The following RYR2 variants were observed in gnomAD, a reference collection of about 807,000 sequenced individuals.
The protein encoded by RYR2 is cardiac muscle ryanodine receptor-calcium release channel.
Under a neutral mutation model 601.1 loss-of-function variants are expected in RYR2, and 227 were observed. The ratio of observed to expected loss-of-function variants is 0.38; its 90% CI spans 0.34 to 0.42. RYR2 has a LOEUF of 0.42. RYR2 is among the 10% of genes least tolerant of loss of function. The pLI, the probability that RYR2 is intolerant of heterozygous loss-of-function variation, is 1.00. For missense variants in RYR2, 4,646 were observed against 6,156.5 expected (o/e 0.75, Z 8.21); for synonymous variants, 2,223 against 2,175.1 (o/e 1.02, Z -0.61).
At chr1:237,325,159 C>G (rs938064184) in intron 2 of RYR2, among the ~76,000 whole-genome samples, 3 of 152,042 alleles carry the variant, frequency 2.0e-5, no homozygotes, top group East Asian at 3.9e-4. Context: ...TGGCAGAACA[C>G]GTTGATTAAT....
intron 29 of RYR2, among the ~76,000 whole-genome samples, chr1:237,578,795 G>A (rs1021355331): frequency 2.0e-5 from 3 of 151,502 alleles, no homozygotes; most frequent in Non-Finnish European, 4.4e-5. Context: ...GGGAGTGGGG[G>A]CATGTACGCT....
chr1:237,682,066 C>T (rs1050144287), intron 62 of RYR2, among the ~76,000 whole-genome samples: 1 of 152,140 alleles, frequency 6.6e-6, no homozygotes, highest in Non-Finnish European at 1.5e-5. Flanking sequence ...CCTCTCCTGT[C>T]TTGTGTTTTA....
At chr1:237,761,434 C>T (rs1158058001) in intron 84 of RYR2, among the ~76,000 whole-genome samples, 1 of 152,156 alleles carries the variant, frequency 6.6e-6, no homozygotes, top group Admixed American at 6.5e-5. Flanking sequence ...GGATAGTGAT[C>T]CTTTGAGCTC....
chr1:237,692,216 T>A (rs1407559842), intron 63 of RYR2, among the ~76,000 whole-genome samples: 1 of 152,224 alleles, frequency 6.6e-6, no homozygotes, highest in Non-Finnish European at 1.5e-5. Flanking sequence ...AAACATGTAT[T>A]GTATGTCTGC....
Position 237,548,493 on chromosome 1 carries a change from C to T in RYR2, c.2969C>T (p.Pro990Leu), listed in dbSNP as rs912594681. ...GACCTGAGCTTTATCAAACTCACCCCATCACAAGAAGCAATGGTGGACAAG... is the reference window on the plus strand; with the variant it reads ...GACCTGAGCTTTATCAAACTCACCCTATCACAAGAAGCAATGGTGGACAAG... The part of the protein sequence containing the change: ...PMDLSFIKLT[P>L]SQEAMVDKLA... The change falls in exon 26 of 105, where the codon CCA (proline) becomes CTA (leucine). Residue 990 changes from proline (P) to leucine (L), a missense_variant. Physicochemically the swap from Pro to Leu is moderately conservative, Grantham distance 98 (BLOSUM62 -3). Around this residue, in one of 17 missense-constraint regions of RYR2, gnomAD observed 1,807 missense variants for 2,088.1 expected, o/e 0.87. Coordinates refer to ENST00000366574, the MANE Select transcript of RYR2 (RefSeq NM_001035.3). 9 of 1,613,828 alleles carry T rather than the reference C, an allele frequency of 5.6e-6. No homozygotes were observed. The highest frequency in any genetic ancestry group is 7.6e-6 in the Non-Finnish European group (9 of 1,179,880).
chr1:237,499,012 T>C (rs1664359293), intron 20 of RYR2, among the ~76,000 whole-genome samples: 1 of 152,188 alleles, frequency 6.6e-6, no homozygotes, highest in African/African-American at 2.4e-5. Flanking sequence ...AGTTGGAATG[T>C]GAGTTATGAA....
intron 14 of RYR2, among the ~76,000 whole-genome samples, chr1:237,450,970 C>G (rs1028554017): frequency 1.3e-5 from 2 of 152,026 alleles, no homozygotes; most frequent in African/African-American, 4.8e-5. Context: ...TTATTTAACT[C>G]CAGTAATCAT....
intron 21 of RYR2, among the ~76,000 whole-genome samples, chr1:237,501,951 G>A (rs1427363555): frequency 1.2e-4 from 18 of 152,120 alleles, no homozygotes; most frequent in Non-Finnish European, 1.5e-5. Flanking sequence ...GACCAGCCTG[G>A]TCAACACAGT....
In RYR2 at chr1:237,569,281, G is replaced by T; in HGVS notation, c.3560G>T (p.Gly1187Val). 1.9e-6 allele frequency: 3 copies of T among 1,613,800 alleles called. No homozygotes were observed. The highest frequency in any genetic ancestry group is 2.5e-6 in the Non-Finnish European group (3 of 1,179,840). ...LNGEILLDDS[G>V]SELAFKDFDV... ...GGTGAAATCCTTCTTGATGATTCAG[G>T]CTCAGAACTGGCTTTCAAGGACTTT... The change falls in exon 29 of 105, where the codon GGC becomes GTC. Residue 1187 changes from glycine (G) to valine (V), a missense_variant. Coordinates refer to ENST00000366574, the MANE Select transcript of RYR2 (RefSeq NM_001035.3).
intron 25 of RYR2, among the ~76,000 whole-genome samples, chr1:237,546,808 T>G (rs1286751484): frequency 6.6e-6 from 1 of 151,682 alleles, no homozygotes; most frequent in African/African-American, 2.4e-5. Flanking sequence ...TTCAACAAAT[T>G]TTTACTGAAT....
intron 1 of RYR2, among the ~76,000 whole-genome samples, chr1:237,073,695 C>T (rs12023598): frequency 2.6e-5 from 4 of 151,876 alleles, no homozygotes; most frequent in Non-Finnish European, 5.9e-5. Context: ...CATGGCAAAA[C>T]CCCGTCTTCA....
At chr1:237,308,765 T>C (rs1270810438) in intron 2 of RYR2, among the ~76,000 whole-genome samples, 1 of 152,216 alleles carries the variant, frequency 6.6e-6, no homozygotes, top group East Asian at 1.9e-4. Flanking sequence ...GAACAAAGCT[T>C]CTACACCGTG....
intron 1 of RYR2, among the ~76,000 whole-genome samples, chr1:237,128,079 C>T (rs1167226989): frequency 6.6e-6 from 1 of 152,230 alleles, no homozygotes; most frequent in African/African-American, 2.4e-5. Flanking sequence ...CGCCACTGCA[C>T]TCCAGCCTGG....
At chr1:237,270,202 C>CT in intron 1 of RYR2, 1 of 485,034 alleles carries the variant, frequency 2.1e-6, no homozygotes, top group South Asian at 1.7e-5. Context: ...CTGTATTTTA[C>CT]TTTTATTTGT....
At chr1:237,733,348 T>G (rs927746371) in intron 78 of RYR2, among the ~76,000 whole-genome samples, 4 of 152,168 alleles carry the variant, frequency 2.6e-5, no homozygotes. Context: ...AAATGTCAAA[T>G]TTCACTTCTG....
At chr1:237,611,174 A>G (rs1238053219) in intron 36 of RYR2, among the ~76,000 whole-genome samples, 186 bp downstream of exon 36, 1 of 152,026 alleles carries the variant, frequency 6.6e-6, no homozygotes, top group Non-Finnish European at 1.5e-5. Flanking sequence ...TTATTTCTCA[A>G]CCATTCTGTT....
At chr1:237,676,579 C>T (rs546824311) in intron 60 of RYR2, among the ~76,000 whole-genome samples, 29 of 152,268 alleles carry the variant, frequency 1.9e-4, no homozygotes, top group Admixed American at 9.8e-4. Context: ...GTTAGAGGAG[C>T]AGATAGAGCT....
intron 1 of RYR2, among the ~76,000 whole-genome samples, chr1:237,177,375 TACTA>T (rs750533363): frequency 3.5e-4 from 54 of 152,330 alleles, no homozygotes; most frequent in Non-Finnish European, 6.2e-4. Flanking sequence ...TAAGAAGCAT[TACTA>T]ACTTTCAGTG....
At chr1:237,358,945 C>A (rs906703534) in intron 4 of RYR2, among the ~76,000 whole-genome samples, 1 of 152,030 alleles carries the variant, frequency 6.6e-6, no homozygotes, top group African/African-American at 2.4e-5. Context: ...TGGGGGTGGG[C>A]AGTCAGCTAA....
Sources: allele counts gnomAD v4.1 joint callset (sites outside exome capture counted in the v4.1 genomes callset), GRCh38; gene constraint gnomAD v4.1.1; regional missense constraint gnomAD v4.1.1; transcripts MANE v1.5; gene names NCBI Gene and HGNC (gene_info 2026-07-23, HGNC 2026-07-21).